Variants in NRG1 observed in about 807,000 individuals in gnomAD.
The protein encoded by NRG1 is pro-neuregulin-1, membrane-bound isoform.
A neutral mutation model predicts 63.8 loss-of-function variants in NRG1; 18 were observed. That is an observed-to-expected ratio of 0.28 (90% CI 0.19 to 0.42). The LOEUF (loss-of-function observed/expected upper bound fraction) is 0.42, where lower values mean the gene tolerates loss of function less well. Ranked by LOEUF, NRG1 falls within the 10% of genes least tolerant of loss-of-function variation. The pLI is 1.00. For synonymous variants in NRG1, 302 were observed against 301.3 expected, an observed-to-expected ratio of 1.00 and a Z score of -0.02; for missense variants, 762 against 814.7, an observed-to-expected ratio of 0.94 and a Z score of 0.79.
chr8:31,856,304 G>T (rs1339322672), intron 1 of NRG1, among the ~76,000 whole-genome samples: 1 of 152,098 alleles, frequency 6.6e-6, no homozygotes, highest in African/African-American at 2.4e-5. Context: ...TGGAGGCTTT[G>T]CTCATTTCTT....
chr8:31,908,256 C>G (rs1832683166), intron 1 of NRG1, among the ~76,000 whole-genome samples: 1 of 152,174 alleles, frequency 6.6e-6, no homozygotes, highest in African/African-American at 2.4e-5. Flanking sequence ...ATATAAATTC[C>G]TAAGTACAGG....
chr8:31,858,385 G>C (rs922715192), intron 1 of NRG1, among the ~76,000 whole-genome samples: 1 of 152,174 alleles, frequency 6.6e-6, no homozygotes, highest in South Asian at 2.1e-4. Context: ...TTGGAAAGGT[G>C]AAAAAGCTTG....
At chr8:32,381,226 C>G in intron 1 of NRG1, among the ~76,000 whole-genome samples, 1 of 152,218 alleles carries the variant, frequency 6.6e-6, no homozygotes, top group Non-Finnish European at 1.5e-5. Flanking sequence ...ACTGTTTCCT[C>G]TACCTGGAAC....
intron 1 of NRG1, among the ~76,000 whole-genome samples, chr8:32,070,417 A>G (rs1381794587): frequency 1.3e-5 from 2 of 152,190 alleles, no homozygotes; most frequent in African/African-American, 2.4e-5. Flanking sequence ...AAAGTGCCTA[A>G]TAATAGCATA....
chr8:32,364,440 C>T (rs1807674105), intron 1 of NRG1, among the ~76,000 whole-genome samples: 1 of 152,086 alleles, frequency 6.6e-6, no homozygotes, highest in African/African-American at 2.4e-5. Flanking sequence ...TGCATCCTGC[C>T]TTTTTTCTTT....
At chr8:32,287,625 A>T (rs980922535) in intron 1 of NRG1, 3 of 152,224 alleles carry the variant, frequency 2.0e-5, no homozygotes, top group Non-Finnish European at 4.4e-5. Context: ...TTTATTCATC[A>T]AGCATTCGCC....
chr8:31,734,441 AG>A (rs1814443584), intron 1 of NRG1, among the ~76,000 whole-genome samples: 5 of 152,202 alleles, frequency 3.3e-5, no homozygotes, highest in Admixed American at 3.3e-4. Flanking sequence ...AATTATTTTA[AG>A]TTTTTTTAAA....
exon 12 of NRG1, chr8:32,764,599 G>A (rs941057421): frequency 1.5e-5 from 7 of 471,866 alleles, no homozygotes; most frequent in South Asian, 4.3e-5. Flanking sequence ...ATTTCAAAAC[G>A]AGAAAGATAT....
At chr8:32,020,779 T>C (rs772998840) in intron 1 of NRG1, among the ~76,000 whole-genome samples, 6 of 152,226 alleles carry the variant, frequency 3.9e-5, no homozygotes, top group African/African-American at 7.2e-5. Context: ...CTTTCAACTC[T>C]AGAAAATATT....
intron 1 of NRG1, among the ~76,000 whole-genome samples, chr8:32,491,839 C>T (rs1008883098): frequency 6.6e-6 from 1 of 152,322 alleles, no homozygotes; most frequent in East Asian, 1.9e-4. Context: ...AAGGGATATA[C>T]ACAGAGGCTG....
In NRG1 at chr8:32,492,127, GA is replaced by G. The variant is rs887898859; in HGVS notation, c.38-103690del. Among the ~76,000 whole-genome samples, 83 of 146,898 alleles carry G rather than the reference GA, an allele frequency of 5.7e-4. 1 individual carries two copies. The highest frequency in any genetic ancestry group is 6.8e-3 in the Middle Eastern group (2 of 292). ...CTTAGTCAATACATTAAGAAAAAAA[GA>G]AAAAAAAAAACATTTTTTTCCCAGT... On this transcript the variant is annotated intron_variant, in intron 1 of 10. Transcript: ENST00000519301.
At chr8:31,822,870 G>A (rs541123100) in intron 1 of NRG1, among the ~76,000 whole-genome samples, 44 of 152,222 alleles carry the variant, frequency 2.9e-4, no homozygotes, top group Admixed American at 7.9e-4. Context: ...TTCAGGCAAG[G>A]TTTTGCCATC....
intron 1 of NRG1, among the ~76,000 whole-genome samples, chr8:32,455,086 A>G (rs547815665): frequency 6.6e-6 from 1 of 152,316 alleles, no homozygotes; most frequent in South Asian, 2.1e-4. Flanking sequence ...GTGTAAGGAC[A>G]TTCAGTGATG....
chr8:32,410,100 A>C (rs1298961080), intron 1 of NRG1, among the ~76,000 whole-genome samples: 1 of 151,542 alleles, frequency 6.6e-6, no homozygotes, highest in Non-Finnish European at 1.5e-5. Flanking sequence ...ATGGAGAAAA[A>C]CTGAGACAGG....
intron 1 of NRG1, among the ~76,000 whole-genome samples, chr8:32,280,100 C>T (rs1353880690): frequency 6.6e-6 from 1 of 152,128 alleles, no homozygotes; most frequent in East Asian, 1.9e-4. Flanking sequence ...TGATAAATTC[C>T]TGTATGAATA....
At chr8:32,387,276 T>C (rs941800692) in intron 1 of NRG1, among the ~76,000 whole-genome samples, 2 of 152,240 alleles carry the variant, frequency 1.3e-5, no homozygotes, top group African/African-American at 4.8e-5. Context: ...GTGACTATTG[T>C]GATGTCATCA....
intron 1 of NRG1, among the ~76,000 whole-genome samples, chr8:32,030,889 A>C (rs1202667046): frequency 6.6e-6 from 1 of 152,240 alleles, no homozygotes; most frequent in Non-Finnish European, 1.5e-5. Flanking sequence ...AATAAAATGC[A>C]AGCCCCCAAG....
chr8:32,236,114 TG>T (rs202137543), intron 1 of NRG1, among the ~76,000 whole-genome samples: 2,228 of 148,550 alleles, frequency 0.015, 30 homozygotes, highest in East Asian at 0.064. Flanking sequence ...AAGATTTTTT[TG>T]TTTTTGTGTG....
At chr8:32,294,996 AT>A (rs770967926) in intron 1 of NRG1, among the ~76,000 whole-genome samples, 36 of 152,148 alleles carry the variant, frequency 2.4e-4, no homozygotes, top group Non-Finnish European at 2.1e-4. Flanking sequence ...AGAGAAATGG[AT>A]TATTTACAAT....
Sources: allele counts gnomAD v4.1 joint callset (sites outside exome capture counted in the v4.1 genomes callset), GRCh38; gene constraint gnomAD v4.1.1; transcripts MANE v1.5; gene names NCBI Gene and HGNC (gene_info 2026-07-23, HGNC 2026-07-21).